The following DNAH10 variants were observed in gnomAD, a reference collection of about 807,000 sequenced individuals.
DNAH10 encodes axonemal beta dynein heavy chain 10.
In DNAH10, 348 loss-of-function variants were observed where a neutral mutation model predicts 506.6. The observed-to-expected ratio is 0.69, with a 90% CI of 0.63 to 0.75. DNAH10 has a LOEUF of 0.75. DNAH10 is among the 30% of genes least tolerant of loss of function. The pLI, the probability that DNAH10 is intolerant of heterozygous loss-of-function variation, is 0.00. For synonymous variants in DNAH10, 2,059 were observed against 2,198.6 expected, an observed-to-expected ratio of 0.94 and a Z score of 1.78; for missense variants, 5,179 against 5,787.1, an observed-to-expected ratio of 0.89 and a Z score of 3.41.
chr12:123,864,302 T>C (rs973639755), intron 39 of DNAH10, among the ~76,000 whole-genome samples: 3 of 151,886 alleles, frequency 2.0e-5, no homozygotes, highest in African/African-American at 7.3e-5. Flanking sequence ...CACACCACTA[T>C]GCCTGGCTAA....
At chr12:123,848,154 C>T (rs942856182) in intron 33 of DNAH10, 59 bp downstream of exon 33, 12 of 1,564,722 alleles carry the variant, frequency 7.7e-6, no homozygotes, top group African/African-American at 4.1e-5. Context: ...TAAAGCAGGA[C>T]ATGGCATTTC....
intron 18 of DNAH10, among the ~76,000 whole-genome samples, chr12:123,805,943 G>A (rs573341811): frequency 5.1e-4 from 78 of 151,716 alleles, no homozygotes; most frequent in Non-Finnish European, 9.6e-4. Flanking sequence ...CGCCTGGCTA[G>A]TTTTTTGTAT....
intron 19 of DNAH10, among the ~76,000 whole-genome samples, chr12:123,812,841 G>A (rs1282922616): frequency 1.3e-5 from 2 of 152,086 alleles, no homozygotes; most frequent in East Asian, 1.9e-4. Flanking sequence ...AGACCAGCTC[G>A]AGCTGGTGGT....
Position 123,771,700 on chromosome 12 carries a change from T to G in DNAH10, c.396+2T>G, listed in dbSNP as rs201210035. ...ATTTCAGAAAAACTCCCTTCCAAAG[T>G]AAGCATGGCTCTTTGTCCTTGTTGG... On this transcript the variant is annotated splice_donor_variant, in intron 3 of 78. Coordinates refer to ENST00000673944, the MANE Select transcript of DNAH10 (RefSeq NM_001372106.1). LOFTEE classifies it high-confidence loss of function. 223 of 1,606,920 alleles carry G rather than the reference T, an allele frequency of 1.4e-4. No individual in the cohort carries two copies. The highest frequency in any genetic ancestry group is 1.8e-4 in the Non-Finnish European group (212 of 1,176,362).
At chr12:123,881,904 T>A (rs1952527849) in intron 51 of DNAH10, 91 bp downstream of exon 51, 1 of 1,209,826 alleles carries the variant, frequency 8.3e-7, no homozygotes, top group African/African-American at 1.6e-5. Flanking sequence ...CCACAGCAGA[T>A]CATAGCATGA....
rs1294663093 is a variant in DNAH10 at position 123,935,481 on chromosome 12, A to G, written c.13770A>G (p.Ter4590=). Residue 4590 remains the stop codon, a stop_retained_variant, in exon 79 of 79, where the codon TAA becomes TAG. Transcript: ENST00000673944. The part of the protein sequence containing the change: ...QGVCLTLNSD[*] Reference sequence around the variant, plus strand: ...TATGCCTCACCCTGAATTCTGATTAACCTTTGGGTGAAGAAAACTGCTTAA... The same window carrying G: ...TATGCCTCACCCTGAATTCTGATTAGCCTTTGGGTGAAGAAAACTGCTTAA... 19 of 1,577,672 alleles carry G rather than the reference A, an allele frequency of 1.2e-5. No homozygotes were observed. Among genetic ancestry groups the G allele is most frequent in the Non-Finnish European group, 1.7e-5 (19 of 1,150,604 alleles).
intron 24 of DNAH10, among the ~76,000 whole-genome samples, chr12:123,823,623 A>AT (rs994706140): frequency 2.6e-5 from 4 of 152,142 alleles, no homozygotes; most frequent in Admixed American, 2.6e-4. Context: ...AAAATGTTTA[A>AT]TTTTTCTGGG....
chr12:123,834,516 T>A (rs549128213), intron 27 of DNAH10, among the ~76,000 whole-genome samples: 6 of 152,292 alleles, frequency 3.9e-5, no homozygotes, highest in African/African-American at 1.4e-4. Flanking sequence ...TCAAAAAAAA[T>A]TTTCTATTGA....
chr12:123,890,706 G>A (rs998018414), intron 52 of DNAH10, among the ~76,000 whole-genome samples: 2 of 152,188 alleles, frequency 1.3e-5, no homozygotes, highest in African/African-American at 4.8e-5. Context: ...GGAAGTGACA[G>A]CGATTGGAGG....
intron 1 of DNAH10, among the ~76,000 whole-genome samples, chr12:123,765,049 G>A (rs935492171): frequency 6.6e-6 from 1 of 151,992 alleles, no homozygotes; most frequent in Non-Finnish European, 1.5e-5. Flanking sequence ...AGGACCTGCA[G>A]AGAGCCCAGC....
chr12:123,843,768 G>C (rs944509402), intron 30 of DNAH10, among the ~76,000 whole-genome samples: 1 of 152,184 alleles, frequency 6.6e-6, no homozygotes, highest in African/African-American at 2.4e-5. Flanking sequence ...AGTAGAGACA[G>C]GGTTTCGCCA....
intron 2 of DNAH10, among the ~76,000 whole-genome samples, chr12:123,768,497 T>A (rs915036459): frequency 3.9e-5 from 6 of 152,210 alleles, no homozygotes; most frequent in African/African-American, 1.4e-4. Flanking sequence ...CTAATCCATA[T>A]CACCTCATCT....
chr12:123,832,450 C>T (rs1037761207), intron 26 of DNAH10, among the ~76,000 whole-genome samples: 1 of 151,730 alleles, frequency 6.6e-6, no homozygotes, highest in Non-Finnish European at 1.5e-5. Flanking sequence ...CAAAGATACG[C>T]ATAATATACA....
At chr12:123,892,133 G>A (rs1953010908) in intron 52 of DNAH10, among the ~76,000 whole-genome samples, 1 of 152,220 alleles carries the variant, frequency 6.6e-6, no homozygotes, top group African/African-American at 2.4e-5. Flanking sequence ...CACAATGTTA[G>A]GCTGTTCTTG....
chr12:123,796,167 A>G (rs1958269539), intron 12 of DNAH10, among the ~76,000 whole-genome samples: 1 of 152,150 alleles, frequency 6.6e-6, no homozygotes, highest in African/African-American at 2.4e-5. Context: ...TGAAGAAAAG[A>G]TTACTACAGC....
Position 123,914,463 on chromosome 12 carries a change from G to C in DNAH10, c.10487G>C (p.Trp3496Ser). ...CGTGACGAGATGGTCAATCGGATTT[G>C]GCAAAATGACATCCTGGAGCGGGAG... Reference protein sequence around the residue: ...EFRDEMVNRIWQNDILEREIP... With the variant: ...EFRDEMVNRISQNDILEREIP... The change falls in exon 61 of 79, where the codon TGG (tryptophan) becomes TCG (serine). Residue 3496 changes from tryptophan to serine, a missense_variant. This residue lies in a region of DNAH10 where 4,844 missense variants were observed against 5,430.5 expected (regional missense o/e 0.89). Transcript: ENST00000673944. The C allele has an allele frequency of 6.2e-7, 1 of 1,613,838 alleles. No individual in the cohort carries two copies. Among genetic ancestry groups the C allele is most frequent in the Non-Finnish European group, 8.5e-7 (1 of 1,179,908 alleles).
chr12:123,903,114 G>C lies in DNAH10; in HGVS notation c.9815+1G>C. The C allele has an allele frequency of 6.2e-7, 1 of 1,606,636 alleles. No homozygotes were observed. The highest frequency in any genetic ancestry group is 8.5e-7 in the Non-Finnish European group (1 of 1,176,696). On this transcript the variant is annotated splice_donor_variant, in intron 57 of 78. Coordinates refer to ENST00000673944, the MANE Select transcript of DNAH10 (RefSeq NM_001372106.1). LOFTEE classifies it high-confidence loss of function. This position sits in a 1 kb window ranked among gnomAD's most constrained non-coding sequence, Gnocchi z 4.6. ...ACAAGTCGGACGTGACTGAGATTAGGTAATGCACCTGAGCCACCATTCTGG... is the reference window on the plus strand; with the variant it reads ...ACAAGTCGGACGTGACTGAGATTAGCTAATGCACCTGAGCCACCATTCTGG...
In DNAH10 at chr12:123,897,894, C is replaced by G. The variant is rs541422517; in HGVS notation, c.9405C>G (p.Val3135=). The change falls in exon 55 of 79, where the codon GTC becomes GTG. Residue 3135 remains valine, a synonymous_variant. Transcript: ENST00000673944. ...AGAAATTGAGGCGCAGCAACTATGTCACTCCCAAGAACTACCTTGATTTTA... is the reference window on the plus strand; with the variant it reads ...AGAAATTGAGGCGCAGCAACTATGTGACTCCCAAGAACTACCTTGATTTTA... ...FLQKLRRSNY[V]TPKNYLDFIN... is the part of the protein sequence containing the mutation. The G allele has an allele frequency of 7.4e-6, 12 of 1,611,682 alleles. No individual in the cohort carries two copies. The highest frequency in any genetic ancestry group is 6.7e-5 in the African/African-American group (5 of 74,926).
At chr12:123,845,258 A>G (rs1036557683) in intron 30 of DNAH10, among the ~76,000 whole-genome samples, 7 of 152,154 alleles carry the variant, frequency 4.6e-5, no homozygotes, top group Non-Finnish European at 1.0e-4. Flanking sequence ...TTGGCCTCCC[A>G]AAGTGTTGGG....
Sources: allele counts gnomAD v4.1 joint callset (sites outside exome capture counted in the v4.1 genomes callset), GRCh38; gene constraint gnomAD v4.1.1; regional missense constraint gnomAD v4.1.1; non-coding constraint Gnocchi (gnomAD v3.1); transcripts MANE v1.5; gene names NCBI Gene and HGNC (gene_info 2026-07-23, HGNC 2026-07-21).